SOBP: variants seen among roughly 807,000 people sequenced by gnomAD.
SOBP encodes the protein sine oculis binding protein homolog.
SOBP carries 4 observed loss-of-function variants against 53.6 expected under a neutral mutation model. That is an observed-to-expected ratio of 0.07 (90% CI 0.04 to 0.17). The LOEUF (loss-of-function observed/expected upper bound fraction) is 0.17, where lower values mean the gene tolerates loss of function less well. Ranked by LOEUF, SOBP falls within the 10% of genes least tolerant of loss-of-function variation. The pLI is 1.00. For synonymous variants in SOBP, 584 were observed against 522.6 expected (o/e 1.12, Z -1.60); for missense variants, 1,088 against 1,204.7 (o/e 0.90, Z 1.43).
intron 3 of SOBP, among the ~76,000 whole-genome samples, chr6:107,507,557 C>T (rs534093144): frequency 1.1e-4 from 17 of 152,230 alleles, no homozygotes; most frequent in South Asian, 8.3e-4. Flanking sequence ...CCACCCACCT[C>T]GGCCTCTCAA....
At chr6:107,601,647 G>A (rs1401201153) in intron 5 of SOBP, among the ~76,000 whole-genome samples, 1 of 152,156 alleles carries the variant, frequency 6.6e-6, no homozygotes, top group Non-Finnish European at 1.5e-5. Flanking sequence ...CTCTCTCTGT[G>A]TGTGATTTCC....
intron 4 of SOBP, among the ~76,000 whole-genome samples, chr6:107,555,394 A>G (rs1784579914): frequency 6.6e-6 from 1 of 152,138 alleles, no homozygotes; most frequent in Non-Finnish European, 1.5e-5. Flanking sequence ...TCAAATTCTC[A>G]AATCCTTGCC....
intron 2 of SOBP, among the ~76,000 whole-genome samples, chr6:107,505,123 G>A (rs1023437619): frequency 1.3e-5 from 2 of 152,046 alleles, no homozygotes; most frequent in African/African-American, 4.8e-5. Flanking sequence ...TCGATACCTT[G>A]TGAAGCATCA....
intron 5 of SOBP, among the ~76,000 whole-genome samples, chr6:107,600,976 A>G (rs1281104727): frequency 1.3e-5 from 2 of 152,178 alleles, no homozygotes; most frequent in Non-Finnish European, 2.9e-5. Flanking sequence ...AAATTATATA[A>G]TGTGTATAAA....
At chr6:107,506,503 A>T (rs1273058350) in intron 3 of SOBP, 76 bp downstream of exon 3, 1 of 1,536,668 alleles carries the variant, frequency 6.5e-7, no homozygotes, top group African/African-American at 1.4e-5. Flanking sequence ...TAATTATTAA[A>T]TGCTCAAGTT....
intron 4 of SOBP, among the ~76,000 whole-genome samples, chr6:107,560,831 G>A (rs1296560233): frequency 6.6e-6 from 1 of 152,134 alleles, no homozygotes; most frequent in Admixed American, 6.5e-5. Context: ...GTTGGGTTCT[G>A]CTTCTCATCT....
intron 5 of SOBP, among the ~76,000 whole-genome samples, chr6:107,597,425 G>A (rs1312943048): frequency 1.3e-5 from 2 of 152,056 alleles, no homozygotes; most frequent in Non-Finnish European, 2.9e-5. Context: ...AATATGCAAT[G>A]TTATTACATA....
At chr6:107,615,582 A>G (rs80297750) in intron 5 of SOBP, among the ~76,000 whole-genome samples, 4,160 of 152,148 alleles carry the variant, frequency 0.027, 189 homozygotes, top group African/African-American at 0.095. Flanking sequence ...TACCTATAGA[A>G]TGTGCTTGGT....
At chr6:107,542,558 C>T (rs1203968097) in intron 4 of SOBP, among the ~76,000 whole-genome samples, 1 of 152,074 alleles carries the variant, frequency 6.6e-6, no homozygotes, top group African/African-American at 2.4e-5. Flanking sequence ...GGAAGTAACA[C>T]ATTCAGGATC....
At position 107,533,450 on chromosome 6, in the gene SOBP, T is replaced by C. The variant is rs1783901593; in HGVS notation, c.422-9T>C. 6.2e-7 allele frequency: 1 copy of C among 1,613,992 alleles called. No individual in the cohort carries two copies. Among genetic ancestry groups the C allele is most frequent in the South Asian group, 1.1e-5 (1 of 91,080 alleles). The stretch of plus-strand genomic sequence containing the variant: ...TGATATGAACATTTTTCTTATACTT[T>C]TATTATAGAAGATGATGTGTCAAAT... On this transcript the variant is annotated splice_polypyrimidine_tract_variant and intron_variant, in intron 3 of 6. Coordinates refer to ENST00000317357, the MANE Select transcript of SOBP (RefSeq NM_018013.4).
chr6:107,637,142 C>T (rs909985669), intron 6 of SOBP, among the ~76,000 whole-genome samples: 1 of 152,216 alleles, frequency 6.6e-6, no homozygotes, highest in Non-Finnish European at 1.5e-5. Context: ...CCTAACTTCT[C>T]TAAGTGTTCA....
At chr6:107,575,050 C>T (rs1424715147) in intron 4 of SOBP, among the ~76,000 whole-genome samples, 7 of 152,154 alleles carry the variant, frequency 4.6e-5, no homozygotes, top group African/African-American at 1.2e-4. Context: ...GCTCCTGGGG[C>T]GCACGAGCAG....
intron 6 of SOBP, among the ~76,000 whole-genome samples, chr6:107,647,672 C>A (rs1474853007): frequency 6.6e-6 from 1 of 152,008 alleles, no homozygotes. Context: ...ACAAAGAGAG[C>A]GAGTGCCCAA....
At position 107,563,377 on chromosome 6, in the gene SOBP, T is replaced by G. The variant is rs193217558; in HGVS notation, c.574-23703T>G. Among the ~76,000 whole-genome samples the G allele has an allele frequency of 3.3e-5, 5 of 152,326 alleles. No individual in the cohort carries two copies. In the East Asian group the frequency reaches 9.6e-4, roughly 29 times the overall value. Reference sequence around the variant, plus strand: ...TGTACCATTGGGAAATTTATATCATTTGATTAATACATTTTTATGATTAGG... The same window carrying G: ...TGTACCATTGGGAAATTTATATCATGTGATTAATACATTTTTATGATTAGG... On this transcript the variant is annotated intron_variant, in intron 4 of 6. Coordinates refer to ENST00000317357, the MANE Select transcript of SOBP (RefSeq NM_018013.4).
At chr6:107,588,291 A>T (rs185023733) in intron 5 of SOBP, among the ~76,000 whole-genome samples, 4 of 152,336 alleles carry the variant, frequency 2.6e-5, no homozygotes, top group Non-Finnish European at 5.9e-5. Context: ...CGCAGTAGCT[A>T]CATGTTGACA....
chr6:107,541,105 C>G (rs1396769600), intron 4 of SOBP, among the ~76,000 whole-genome samples: 1 of 152,026 alleles, frequency 6.6e-6, no homozygotes, highest in African/African-American at 2.4e-5. Flanking sequence ...GTTGGAGAGC[C>G]CTGATTAATT....
chr6:107,623,969 A>T (rs925808688), intron 5 of SOBP, among the ~76,000 whole-genome samples: 2 of 152,196 alleles, frequency 1.3e-5, no homozygotes, highest in Non-Finnish European at 1.5e-5. Flanking sequence ...AAAATGGGAA[A>T]AATAGTAGCT....
chr6:107,597,464 G>A (rs534251489), intron 5 of SOBP, among the ~76,000 whole-genome samples: 2 of 152,024 alleles, frequency 1.3e-5, no homozygotes, highest in East Asian at 1.9e-4. Flanking sequence ...ATATATGAGG[G>A]CAGATTTACA....
intron 5 of SOBP, among the ~76,000 whole-genome samples, chr6:107,591,162 C>T (rs1165394371): frequency 1.3e-5 from 2 of 152,218 alleles, no homozygotes; most frequent in African/African-American, 4.8e-5. Context: ...TCACATCACA[C>T]TTTTGGATCC....
Sources: gnomAD v4.1 joint callset for allele counts (sites outside exome capture counted in the v4.1 genomes callset) on GRCh38, gnomAD v4.1.1 for gene constraint, MANE v1.5 for transcripts, NCBI Gene and HGNC (gene_info 2026-07-23, HGNC 2026-07-21) for gene names.